The following TADA2A variants were observed in gnomAD, a reference collection of about 807,000 sequenced individuals.
The protein encoded by TADA2A is transcriptional adapter 2-alpha.
Under a neutral mutation model 67.4 loss-of-function variants are expected in TADA2A, and 38 were observed. The observed-to-expected ratio is 0.56, with a 90% CI of 0.44 to 0.74. The LOEUF (loss-of-function observed/expected upper bound fraction) is 0.74. Ranked by LOEUF, TADA2A falls within the 30% of genes least tolerant of loss-of-function variation. The probability of loss-of-function intolerance (pLI) is 0.00; values close to 1 mark genes in which losing one functional copy is unlikely to be tolerated. For synonymous variants in TADA2A, 192 were observed against 181.6 expected (o/e 1.06, Z -0.46); for missense variants, 454 against 547.0 (o/e 0.83, Z 1.70).
intron 2 of TADA2A, among the ~76,000 whole-genome samples, chr17:37,419,131 T>C (rs2052149552): frequency 6.8e-6 from 1 of 146,472 alleles, no homozygotes; most frequent in Non-Finnish European, 1.5e-5. Context: ...CAGTTTTATT[T>C]TAGTCTGGAA....
At chr17:37,441,639 C>T (rs1168046308) in intron 6 of TADA2A, among the ~76,000 whole-genome samples, 2 of 150,926 alleles carry the variant, frequency 1.3e-5, no homozygotes, top group Non-Finnish European at 2.9e-5. Context: ...AGTTTTATAG[C>T]TGACTAACTT....
chr17:37,450,769 C>G (rs148711401), intron 8 of TADA2A: 69 of 152,436 alleles, frequency 4.5e-4, no homozygotes, highest in African/African-American at 1.6e-3. Flanking sequence ...GTAGATTCTG[C>G]CTTCTCATTT....
chr17:37,454,279 G>A (rs1423159822), intron 8 of TADA2A: 2 of 151,394 alleles, frequency 1.3e-5, no homozygotes, highest in Admixed American at 6.8e-5. Flanking sequence ...CAAAATGCGA[G>A]GGCATTACTT....
intron 4 of TADA2A, among the ~76,000 whole-genome samples, chr17:37,433,389 G>A (rs1478544671): frequency 6.6e-6 from 1 of 152,116 alleles, no homozygotes; most frequent in Non-Finnish European, 1.5e-5. Flanking sequence ...CGGGTGCGGT[G>A]GCTCCTTCCT....
At position 37,406,982 on chromosome 17, in the gene TADA2A, G is replaced by T. The variant is rs956341386; in HGVS notation, c.-98+33G>T. On this transcript the variant is annotated intron_variant, in intron 1 of 15. Transcript: ENST00000615182. Reference sequence around the variant, plus strand: ...GCCAGGCAGCGCTGGGCGGGCGGGCGGGCGGGTGGCGGAGCGCGAGCCCCT... The same window carrying T: ...GCCAGGCAGCGCTGGGCGGGCGGGCTGGCGGGTGGCGGAGCGCGAGCCCCT... 32 of 147,082 alleles carry T rather than the reference G, an allele frequency of 2.2e-4. 1 individual carries two copies. Among genetic ancestry groups the T allele is most frequent in the Admixed American group, 1.9e-3 (28 of 14,718 alleles). The allele number at this position is 147,082 out of a possible 1,614,324, so 9.1% of individuals were successfully genotyped here. A position where few individuals can be genotyped will look rare whatever the true frequency, so the allele number is the denominator to read the frequency against.
intron 2 of TADA2A, among the ~76,000 whole-genome samples, chr17:37,416,385 A>G (rs2052047301): frequency 6.6e-6 from 1 of 151,866 alleles, no homozygotes; most frequent in East Asian, 1.9e-4. Flanking sequence ...CTCCCTCTCA[A>G]TTTTTTAAAG....
intron 14 of TADA2A, 46 bp downstream of exon 14, chr17:37,471,183 A>T: frequency 6.3e-7 from 1 of 1,594,830 alleles, no homozygotes; most frequent in South Asian, 1.1e-5. Flanking sequence ...TGAAGTTTGC[A>T]TCGTAGGGGT....
At chr17:37,414,511 T>TAGAATTAGATGAAAAA (rs2051981029) in intron 2 of TADA2A, among the ~76,000 whole-genome samples, 1 of 152,226 alleles carries the variant, frequency 6.6e-6, no homozygotes, top group Admixed American at 6.6e-5. Context: ...TCTTTTCATC[T>TAGAATTAGATGAAAAA]ACTAGAATAT....
intron 10 of TADA2A, among the ~76,000 whole-genome samples, chr17:37,465,033 G>A (rs1349045143): frequency 6.6e-6 from 1 of 151,368 alleles, no homozygotes; most frequent in African/African-American, 2.4e-5. Context: ...TGTAATCCCA[G>A]CTACTTTGGG....
chr17:37,465,705 A>G, intron 11 of TADA2A, 164 bp downstream of exon 11: 1 of 1,297,110 alleles, frequency 7.7e-7, no homozygotes, highest in Admixed American at 2.5e-5. Context: ...TGGGGGTGGC[A>G]GAAGAGAGGT....
At position 37,423,505 on chromosome 17, in the gene TADA2A, C is replaced by G. The variant is rs575554706; in HGVS notation, c.26-4C>G. Reference sequence around the variant, plus strand: ...AATGTGCATTTGTTTTCTGTTTGTTCTAGATGATCCCTCTGATAAGCCACC... The same window carrying G: ...AATGTGCATTTGTTTTCTGTTTGTTGTAGATGATCCCTCTGATAAGCCACC... On this transcript the variant is annotated splice_polypyrimidine_tract_variant and splice_region_variant and intron_variant, in intron 2 of 15. Coordinates refer to ENST00000615182, the MANE Select transcript of TADA2A (RefSeq NM_001166105.3). 1 of 1,603,450 alleles carries G rather than the reference C, an allele frequency of 6.2e-7. No homozygotes were observed. Among genetic ancestry groups the G allele is most frequent in the African/African-American group, 1.3e-5 (1 of 74,410 alleles).
intron 8 of TADA2A, among the ~76,000 whole-genome samples, chr17:37,450,400 G>C (rs1464431659): frequency 6.6e-6 from 1 of 152,140 alleles, no homozygotes; most frequent in Non-Finnish European, 1.5e-5. Context: ...CCTCTGAGTT[G>C]GTTTTCTTGC....
chr17:37,415,653 G>A (rs546682095), intron 2 of TADA2A, among the ~76,000 whole-genome samples: 5 of 152,066 alleles, frequency 3.3e-5, no homozygotes, highest in Non-Finnish European at 4.4e-5. Flanking sequence ...GCCGAGGTGG[G>A]TGGATCATGA....
chr17:37,429,501 C>T (rs1188790715), intron 4 of TADA2A, among the ~76,000 whole-genome samples: 1 of 151,934 alleles, frequency 6.6e-6, no homozygotes, highest in Non-Finnish European at 1.5e-5. Context: ...AGGCAGGTCT[C>T]GAACTCAGGG....
chr17:37,415,252 A>G (rs922107971), intron 2 of TADA2A, among the ~76,000 whole-genome samples: 28 of 152,154 alleles, frequency 1.8e-4, no homozygotes, highest in African/African-American at 6.0e-4. Flanking sequence ...AAATTCTTCA[A>G]TCAGCACCAG....
chr17:37,446,175 C>T (rs1208997423), intron 8 of TADA2A, among the ~76,000 whole-genome samples: 3 of 148,222 alleles, frequency 2.0e-5, no homozygotes, highest in African/African-American at 5.0e-5. Context: ...GTCAAAGTGA[C>T]GCAGATTGAA....
rs187777224 is a variant in TADA2A at position 37,450,065 on chromosome 17, T to C, written c.604+5297T>C. Among the ~76,000 whole-genome samples the C allele has an allele frequency of 5.3e-5, 8 of 152,284 alleles. No individual in the cohort carries two copies. The East Asian group carries it at 1.5e-3, about 29-fold the overall frequency. ...ACACATAAAATACATTAACGATAGC[T>C]GATGAGCTAAGGAATAAAAAACAAA... is the stretch of plus-strand genomic sequence containing the variant. On this transcript the variant is annotated intron_variant, in intron 8 of 15. Coordinates refer to ENST00000615182, the MANE Select transcript of TADA2A (RefSeq NM_001166105.3).
chr17:37,449,619 ATT>A (rs11337212), intron 8 of TADA2A, among the ~76,000 whole-genome samples: 50,497 of 136,640 alleles, frequency 0.37, 9,026 homozygotes, highest in East Asian at 0.78. Flanking sequence ...TACAATCTTG[ATT>A]TTTTTTTTTT....
At chr17:37,442,914 A>C (rs879329943) in intron 7 of TADA2A, among the ~76,000 whole-genome samples, 2 of 152,196 alleles carry the variant, frequency 1.3e-5, no homozygotes, top group African/African-American at 4.8e-5. Flanking sequence ...CTGTAATCCC[A>C]GCACTTTGGG....
Sources: allele counts gnomAD v4.1 joint callset (sites outside exome capture counted in the v4.1 genomes callset), GRCh38; gene constraint gnomAD v4.1.1; transcripts MANE v1.5; gene names NCBI Gene and HGNC (gene_info 2026-07-23, HGNC 2026-07-21).